Variants in DSG4 observed in about 807,000 individuals in gnomAD.
DSG4 encodes the protein desmoglein 4.
DSG4 carries 87 observed loss-of-function variants against 93.1 expected under a neutral mutation model. The observed-to-expected ratio is 0.93, with a 90% CI of 0.79 to 1.12. The LOEUF is 1.12. DSG4 is among the 50% of genes most tolerant of loss of function. DSG4 has a pLI of 0.00. For missense variants in DSG4, 1,373 were observed against 1,285.7 expected (o/e 1.07, Z -1.04); for synonymous variants, 432 against 452.9 (o/e 0.95, Z 0.59).
intron 8 of DSG4, among the ~76,000 whole-genome samples, chr18:31,397,156 A>G (rs868060311): frequency 1.3e-5 from 2 of 152,332 alleles, no homozygotes; most frequent in South Asian, 4.1e-4. Flanking sequence ...TGGATGTGAG[A>G]ATCTAAGCGT....
chr18:31,390,525 T>C (rs970722690), intron 5 of DSG4, 131 bp from the exon 6 acceptor site: 1 of 1,038,594 alleles, frequency 9.6e-7, no homozygotes, highest in Non-Finnish European at 1.5e-6. Flanking sequence ...GTTATGGTAC[T>C]ATATTCCCAT....
intron 8 of DSG4, among the ~76,000 whole-genome samples, chr18:31,394,431 G>T (rs2072282882): frequency 6.6e-6 from 1 of 151,890 alleles, no homozygotes; most frequent in South Asian, 2.1e-4. Flanking sequence ...TACAAAATTA[G>T]CCAGGTGTGG....
intron 6 of DSG4, 61 bp from the exon 7 acceptor site, chr18:31,391,017 A>C: frequency 6.2e-7 from 1 of 1,603,524 alleles, no homozygotes; most frequent in South Asian, 1.1e-5. Flanking sequence ...ATGGCATTGA[A>C]TGCATTGGAT....
chr18:31,405,026 T>C (rs1372375788), intron 11 of DSG4, among the ~76,000 whole-genome samples: 1 of 152,216 alleles, frequency 6.6e-6, no homozygotes, highest in Non-Finnish European at 1.5e-5. Flanking sequence ...TCACTTAATG[T>C]GCTGTGGCAT....
rs761683910 is a variant in DSG4, at chr18:31,412,912, C to T, written c.2440C>T (p.Pro814Ser). Residue 814 changes from proline (P) to serine (S), a missense_variant, in exon 16 of 16, where the codon CCC becomes TCC. Physicochemically the swap from Pro to Ser is moderately conservative, Grantham distance 74. Transcript: ENST00000308128. ...LIYDHEGVGS[P>S]VGSIGCCSWI... ...TTATGACCACGAGGGAGTCGGGTCT[C>T]CCGTAGGCTCTATTGGTTGTTGCAG... is the stretch of plus-strand genomic sequence containing the variant. 6 of 1,614,132 alleles carry T rather than the reference C, an allele frequency of 3.7e-6. No individual in the cohort carries two copies. The South Asian group carries it at 4.4e-5, about 12-fold the overall frequency.
chr18:31,386,147 A>G (rs1028742189), intron 2 of DSG4, among the ~76,000 whole-genome samples: 9 of 152,120 alleles, frequency 5.9e-5, no homozygotes, highest in Admixed American at 5.9e-4. Context: ...CAATATTAAT[A>G]ATATGTTTCT....
intron 8 of DSG4, among the ~76,000 whole-genome samples, chr18:31,392,899 T>C (rs1248238422): frequency 2.0e-5 from 3 of 152,104 alleles, no homozygotes; most frequent in Non-Finnish European, 4.4e-5. Context: ...GGGCATCAAG[T>C]AGGGAAGTAA....
At chr18:31,396,955 C>T (rs1182077686) in intron 8 of DSG4, among the ~76,000 whole-genome samples, 1 of 152,120 alleles carries the variant, frequency 6.6e-6, no homozygotes, top group African/African-American at 2.4e-5. Flanking sequence ...AATGAGCCTT[C>T]CTGGAAACAG....
intron 4 of DSG4, 65 bp from the exon 5 acceptor site, chr18:31,388,809 A>AT: frequency 6.2e-7 from 1 of 1,610,664 alleles, no homozygotes; most frequent in Non-Finnish European, 8.5e-7. Flanking sequence ...TTTCTGATAT[A>AT]TTTTCAAGCA....
intron 2 of DSG4, 130 bp downstream of exon 2, chr18:31,385,301 G>C: frequency 7.4e-6 from 5 of 674,588 alleles, no homozygotes; most frequent in Non-Finnish European, 1.2e-5. Context: ...GAAAGAACTA[G>C]TGAACTGAAA....
At position 31,413,413 on chromosome 18, in the gene DSG4, A is replaced by C; in HGVS notation, c.2941A>C (p.Ser981Arg). ...SPGVPDMSNS[S>R]TTEGCMGPVM... Reference sequence around the variant, plus strand: ...TGGTGTGCCTGACATGAGCAATAGTAGCACGACTGAGGGTTGTATGGGACC... The same window carrying C: ...TGGTGTGCCTGACATGAGCAATAGTCGCACGACTGAGGGTTGTATGGGACC... Residue 981 changes from serine to arginine, a missense_variant, in exon 16 of 16, where the codon AGC becomes CGC. Ser to Arg is a moderately radical substitution (Grantham distance 110, BLOSUM62 -1). Transcript: ENST00000308128. 6.2e-7 allele frequency: 1 copy of C among 1,614,082 alleles called. No individual in the cohort carries two copies. The highest frequency in any genetic ancestry group is 1.1e-5 in the South Asian group (1 of 91,076).
chr18:31,408,275 A>G (rs1251599105), intron 12 of DSG4, among the ~76,000 whole-genome samples: 1 of 152,166 alleles, frequency 6.6e-6, no homozygotes, highest in Non-Finnish European at 1.5e-5. Context: ...AAAACACTTC[A>G]TTTCATTTAT....
At chr18:31,384,664 C>T (rs964406143) in intron 1 of DSG4, among the ~76,000 whole-genome samples, 6 of 152,144 alleles carry the variant, frequency 3.9e-5, no homozygotes, top group African/African-American at 9.7e-5. Flanking sequence ...CCCACAGCTC[C>T]TCATACGTTC....
intron 11 of DSG4, among the ~76,000 whole-genome samples, chr18:31,405,374 C>A (rs1194268315): frequency 6.6e-6 from 1 of 152,052 alleles, no homozygotes; most frequent in African/African-American, 2.4e-5. Context: ...ATTGTGTAAA[C>A]TGTAATCCTA....
At chr18:31,387,522 C>A (rs777966327) in intron 3 of DSG4, among the ~76,000 whole-genome samples, 1 of 152,154 alleles carries the variant, frequency 6.6e-6, no homozygotes, top group Non-Finnish European at 1.5e-5. Context: ...TGGAGGGACG[C>A]TTTTAAATTA....
chr18:31,377,035 A>G (rs947500594), intron 1 of DSG4, 76 bp downstream of exon 1: 12 of 1,472,838 alleles, frequency 8.1e-6, no homozygotes, highest in Non-Finnish European at 1.0e-5. Flanking sequence ...GGCTTTCTAC[A>G]TGGGATTTAT....
intron 8 of DSG4, among the ~76,000 whole-genome samples, chr18:31,394,401 A>C (rs1373375336): frequency 6.6e-6 from 1 of 152,124 alleles, no homozygotes. Flanking sequence ...AACATGGAGA[A>C]ACCCCATCTC....
chr18:31,391,065 C>T lies in DSG4; in HGVS notation c.685-13C>T. ...AAAACCTAAGTCTTACGTTCTTTTTCATCTTGATTAAGCAACACAGTATGT... is the reference window on the plus strand; with the variant it reads ...AAAACCTAAGTCTTACGTTCTTTTTTATCTTGATTAAGCAACACAGTATGT... On this transcript the variant is annotated splice_polypyrimidine_tract_variant and intron_variant, in intron 6 of 15. Transcript: ENST00000308128. The T allele has an allele frequency of 6.2e-7, 1 of 1,613,362 alleles. No homozygotes were observed. The highest frequency in any genetic ancestry group is 1.3e-5 in the African/African-American group (1 of 74,994).
At position 31,403,907 on chromosome 18, in the gene DSG4, G is replaced by A. The variant is rs182263084; in HGVS notation, c.1636+273G>A. ...ACCCATCATTTTGAGTAGGTAAAAC[G>A]TTGAACCAATATTTATTCAGTTTAA... is the stretch of plus-strand genomic sequence containing the variant. On this transcript the variant is annotated intron_variant, in intron 11 of 15. Transcript: ENST00000308128. Among the ~76,000 whole-genome samples the A allele has an allele frequency of 2.5e-4, 38 of 152,210 alleles. 1 individual carries two copies. In the South Asian group the frequency reaches 5.8e-3, roughly 23 times the overall value.
Sources: gnomAD v4.1 joint callset for allele counts (sites outside exome capture counted in the v4.1 genomes callset) on GRCh38, gnomAD v4.1.1 for gene constraint, MANE v1.5 for transcripts, NCBI Gene and HGNC (gene_info 2026-07-23, HGNC 2026-07-21) for gene names.